Variants in ADAMTSL1 observed in about 807,000 individuals in gnomAD.
ADAMTSL1 encodes ADAMTS like 1.
Under a neutral mutation model 201.8 loss-of-function variants are expected in ADAMTSL1, and 126 were observed. That is an observed-to-expected ratio of 0.62 (90% CI 0.54 to 0.72). The LOEUF (loss-of-function observed/expected upper bound fraction) is 0.72. Ranked by LOEUF, ADAMTSL1 falls within the 30% of genes least tolerant of loss-of-function variation. The probability of loss-of-function intolerance (pLI) is 0.00; values close to 1 mark genes in which losing one functional copy is unlikely to be tolerated. For synonymous variants in ADAMTSL1, 1,121 were observed against 903.4 expected, an observed-to-expected ratio of 1.24 and a Z score of -4.32; for missense variants, 2,679 against 2,277.8, an observed-to-expected ratio of 1.18 and a Z score of -3.59.
chr9:18,688,118 GTATA>G (rs71333061), intron 13 of ADAMTSL1, among the ~76,000 whole-genome samples: 12 of 142,680 alleles, frequency 8.4e-5, no homozygotes, highest in East Asian at 2.0e-4. Context: ...ATGTATGTAT[GTATA>G]TATATATATA....
chr9:18,151,791 T>A (rs1009146752), intron 1 of ADAMTSL1, among the ~76,000 whole-genome samples: 7 of 151,936 alleles, frequency 4.6e-5, no homozygotes, highest in Admixed American at 4.6e-4. Context: ...ATCAGATAAA[T>A]AATAATATGC....
At chr9:18,411,187 T>TTTA (rs1194643773) in intron 2 of ADAMTSL1, among the ~76,000 whole-genome samples, 13 of 149,376 alleles carry the variant, frequency 8.7e-5, no homozygotes, top group Middle Eastern at 3.5e-3. Flanking sequence ...TATTTATTTA[T>TTTA]TTATTTATTT....
rs541976648 is a variant in ADAMTSL1 at position 18,237,976 on chromosome 9, G to A, written c.207+73995G>A. ...ATGGCAGAGGAGGCAGAATGCCATT[G>A]CTCACACTGCTTTGCCCTCTAGAGG... On this transcript the variant is annotated intron_variant, in intron 2 of 29. Transcript: ENST00000680146. 3.3e-5 allele frequency among the ~76,000 whole-genome samples: 5 copies of A among 152,360 alleles called. No homozygotes were observed. The South Asian group carries it at 6.2e-4, about 19-fold the overall frequency.
chr9:18,889,489 C>T (rs994721730), intron 24 of ADAMTSL1, 79 bp from the exon 25 acceptor site: 2 of 1,496,278 alleles, frequency 1.3e-6, no homozygotes, highest in African/African-American at 2.8e-5. Flanking sequence ...TCACCTTCTC[C>T]CTGCCCTGCT....
rs530060716 is a variant in ADAMTSL1 at position 18,059,563 on chromosome 9, C to G, written c.88-104299C>G. ...GGCCTTAGGGGATAATGGATTTTTT[C>G]TCACAGACAATGATAAAGAAGTGAA... is the stretch of plus-strand genomic sequence containing the variant. On this transcript the variant is annotated intron_variant, in intron 1 of 29. Transcript: ENST00000680146. Among the ~76,000 whole-genome samples, 4 of 152,148 alleles carry G rather than the reference C, an allele frequency of 2.6e-5. No individual in the cohort carries two copies. The East Asian group carries it at 7.7e-4, about 29-fold the overall frequency.
chr9:18,901,148 T>TAA (rs1554661484), intron 26 of ADAMTSL1, among the ~76,000 whole-genome samples: 11 of 143,302 alleles, frequency 7.7e-5, no homozygotes, highest in South Asian at 2.2e-4. Flanking sequence ...TTTCTTTATT[T>TAA]AAAAAAAAAA....
chr9:18,678,991 T>A (rs948168432), intron 10 of ADAMTSL1, among the ~76,000 whole-genome samples: 10 of 152,132 alleles, frequency 6.6e-5, no homozygotes, highest in African/African-American at 2.4e-4. Context: ...CCTGGGGAAA[T>A]ACACATAGGA....
chr9:18,083,027 A>T (rs950457354), intron 1 of ADAMTSL1, among the ~76,000 whole-genome samples: 1 of 152,228 alleles, frequency 6.6e-6, no homozygotes, highest in African/African-American at 2.4e-5. Flanking sequence ...TTAGATAAGG[A>T]TTGAATAAGT....
At chr9:18,529,511 T>C (rs1274539796) in intron 2 of ADAMTSL1, among the ~76,000 whole-genome samples, 1 of 152,198 alleles carries the variant, frequency 6.6e-6, no homozygotes, top group African/African-American at 2.4e-5. Context: ...GCCTCAGTTT[T>C]CTCATCTATT....
At chr9:18,657,895 G>C in intron 8 of ADAMTSL1, 145 bp downstream of exon 8, 1 of 655,428 alleles carries the variant, frequency 1.5e-6, no homozygotes, top group Non-Finnish European at 2.6e-6. Context: ...GAATCTCGAG[G>C]CCCTCCTGTA....
chr9:18,792,533 A>AGT (rs1822125960), intron 19 of ADAMTSL1, among the ~76,000 whole-genome samples: 1 of 152,194 alleles, frequency 6.6e-6, no homozygotes, highest in South Asian at 2.1e-4. Flanking sequence ...TTGGGAACTT[A>AGT]GCATATTTTA....
chr9:18,880,727 T>C (rs1828472401), intron 23 of ADAMTSL1, among the ~76,000 whole-genome samples: 1 of 152,178 alleles, frequency 6.6e-6, no homozygotes, highest in African/African-American at 2.4e-5. Flanking sequence ...CACTTTAAAG[T>C]CACCAGGTGC....
At chr9:18,101,221 G>C (rs953741710) in intron 1 of ADAMTSL1, among the ~76,000 whole-genome samples, 6 of 152,132 alleles carry the variant, frequency 3.9e-5, no homozygotes, top group Non-Finnish European at 8.8e-5. Flanking sequence ...ATGTAGGCTG[G>C]ACACGGTGGC....
chr9:17,985,512 G>A (rs771312940), intron 1 of ADAMTSL1, among the ~76,000 whole-genome samples: 18 of 152,012 alleles, frequency 1.2e-4, no homozygotes, highest in African/African-American at 4.3e-4. Flanking sequence ...AGATACTTGA[G>A]CTAAGATATA....
chr9:18,263,662 G>C (rs1317260530), intron 2 of ADAMTSL1, among the ~76,000 whole-genome samples: 2 of 152,188 alleles, frequency 1.3e-5, no homozygotes, highest in East Asian at 3.9e-4. Flanking sequence ...CAGTGGGGCT[G>C]TATTTGGAGA....
intron 23 of ADAMTSL1, among the ~76,000 whole-genome samples, chr9:18,861,533 C>G (rs1388958910): frequency 2.0e-5 from 3 of 152,162 alleles, no homozygotes; most frequent in Non-Finnish European, 4.4e-5. Flanking sequence ...GAGAACCACA[C>G]CCAAAGAAGA....
Position 18,888,547 on chromosome 9 carries a change from C to G in ADAMTSL1, c.4462+504C>G, listed in dbSNP as rs1002248656. 7.2e-5 allele frequency among the ~76,000 whole-genome samples: 11 copies of G among 152,276 alleles called. No homozygotes were observed. In the East Asian group the frequency reaches 2.1e-3, roughly 29 times the overall value. ...CCTGGCAAAGAACAGACTGCGAAGCCCACATGGCTCATGCATTAACCTTCC... is the reference window on the plus strand; with the variant it reads ...CCTGGCAAAGAACAGACTGCGAAGCGCACATGGCTCATGCATTAACCTTCC... On this transcript the variant is annotated intron_variant, in intron 24 of 28. Transcript: ENST00000380548.
chr9:18,513,157 A>G (rs940850203), intron 2 of ADAMTSL1, among the ~76,000 whole-genome samples: 2 of 152,146 alleles, frequency 1.3e-5, no homozygotes, highest in African/African-American at 4.8e-5. Context: ...TTGTGGTAAG[A>G]CAATTTAGCA....
intron 2 of ADAMTSL1, among the ~76,000 whole-genome samples, chr9:18,167,863 A>G (rs1827705195): frequency 6.6e-6 from 1 of 151,984 alleles, no homozygotes; most frequent in Non-Finnish European, 1.5e-5. Context: ...CAAAGAAAAT[A>G]GAAATATGTC....
Sources: allele counts gnomAD v4.1 joint callset (sites outside exome capture counted in the v4.1 genomes callset), GRCh38; gene constraint gnomAD v4.1.1; transcripts MANE v1.5; gene names NCBI Gene and HGNC (gene_info 2026-07-23, HGNC 2026-07-21).